USP34: variants seen among roughly 807,000 people sequenced by gnomAD.
The protein encoded by USP34 is ubiquitin specific peptidase 34, also known as ubiquitin carboxyl-terminal hydrolase 34.
USP34 carries 70 observed loss-of-function variants against 460.3 expected under a neutral mutation model. That is an observed-to-expected ratio of 0.15 (90% CI 0.13 to 0.19). USP34 has a LOEUF of 0.19. USP34 is among the 10% of genes least tolerant of loss of function. USP34 has a pLI of 1.00. For missense variants in USP34, 3,985 were observed against 4,236.2 expected (o/e 0.94, Z 1.65); for synonymous variants, 1,647 against 1,405.3 (o/e 1.17, Z -3.85).
At chr2:61,214,006 A>C in intron 68 of USP34, 54 bp downstream of exon 68, 1 of 1,592,640 alleles carries the variant, frequency 6.3e-7, no homozygotes, top group African/African-American at 1.3e-5. Context: ...GGGGAAAAAC[A>C]GGTATTTCCA....
At position 61,190,202 on chromosome 2, in the gene USP34, T is replaced by C. The variant is rs930574349; in HGVS notation, c.9873+69A>G. 66 of 1,515,576 alleles carry C rather than the reference T, an allele frequency of 4.4e-5. 1 individual carries two copies. The South Asian group carries it at 6.5e-4, about 15-fold the overall frequency. 93.9% of individuals were successfully genotyped at this position (1,515,576 alleles called of 1,614,324 possible). On this transcript the variant is annotated intron_variant, in intron 78 of 79. Transcript: ENST00000398571. ...AGTTAAAGTTACGAGAGTAAAATCATATGAAGGCCACACAGTTAACTGAAG... is the reference window on the plus strand; with the variant it reads ...AGTTAAAGTTACGAGAGTAAAATCACATGAAGGCCACACAGTTAACTGAAG...
rs955152929 is a variant in USP34, at chr2:61,206,817, G to C, written c.8989C>G (p.Leu2997Val). 32 of 1,613,614 alleles carry C rather than the reference G, an allele frequency of 2.0e-5. No individual in the cohort carries two copies. The highest frequency in any genetic ancestry group is 1.6e-4 in the Middle Eastern group (1 of 6,080). Residue 2997 changes from leucine to valine, a missense_variant, in exon 71 of 80, where the codon CTT becomes GTT. This residue lies in a region of USP34 where 275 missense variants were observed against 292.7 expected (regional missense o/e 0.94). Coordinates refer to ENST00000398571, the MANE Select transcript of USP34 (RefSeq NM_014709.4). ...ACHVTGDLVELLSIFLSVLKS... is the reference protein window; with the variant it reads ...ACHVTGDLVEVLSIFLSVLKS... ...AAAACCGAAAGAAATATTGACAGAA[G>C]TTCTACTAAATCTCCAGTCACATGG...
chr2:61,367,736 A>G (rs1244130688), intron 10 of USP34, among the ~76,000 whole-genome samples: 3 of 152,176 alleles, frequency 2.0e-5, no homozygotes, highest in Admixed American at 1.3e-4. Context: ...TAAGCATAGC[A>G]CGAAATAAAA....
At chr2:61,408,620 G>T (rs748078590) in intron 2 of USP34, among the ~76,000 whole-genome samples, 8 of 152,130 alleles carry the variant, frequency 5.3e-5, no homozygotes, top group Non-Finnish European at 1.2e-4. Flanking sequence ...GTCAGGCTGG[G>T]TGTGGTGGCT....
intron 58 of USP34, among the ~76,000 whole-genome samples, chr2:61,231,905 G>A (rs575797383): frequency 6.0e-5 from 9 of 149,548 alleles, no homozygotes; most frequent in African/African-American, 7.3e-5. Context: ...ATACACACAC[G>A]CATATATATC....
At chr2:61,426,535 C>T (rs911801149) in intron 1 of USP34, among the ~76,000 whole-genome samples, 1 of 151,988 alleles carries the variant, frequency 6.6e-6, no homozygotes, top group Admixed American at 6.6e-5. Flanking sequence ...AGTACCAGTC[C>T]TGTGGTTTGA....
intron 75 of USP34, among the ~76,000 whole-genome samples, chr2:61,198,854 G>A (rs907477321): frequency 3.9e-5 from 6 of 152,156 alleles, no homozygotes; most frequent in Admixed American, 3.9e-4. Context: ...GGGCGACAGG[G>A]TGACACTCTG....
At chr2:61,195,261 G>C (rs574848860) in intron 75 of USP34, among the ~76,000 whole-genome samples, 22 of 151,842 alleles carry the variant, frequency 1.4e-4, no homozygotes, top group Non-Finnish European at 2.8e-4. Context: ...GCCCAGGCTG[G>C]TCTCAAACTC....
chr2:61,253,439 A>G (rs1688639669), intron 48 of USP34, among the ~76,000 whole-genome samples: 1 of 152,008 alleles, frequency 6.6e-6, no homozygotes, highest in Non-Finnish European at 1.5e-5. Context: ...TCCTAACCCA[A>G]CTCTCATCAG....
intron 2 of USP34, among the ~76,000 whole-genome samples, chr2:61,420,252 C>T (rs559730428): frequency 1.3e-5 from 2 of 152,246 alleles, no homozygotes; most frequent in East Asian, 3.9e-4. Flanking sequence ...CATTGAGGAA[C>T]AGGAATCCTT....
rs1051091519 is a variant in USP34 at position 61,317,675 on chromosome 2, A to G, written c.3261T>C (p.Tyr1087=). The G allele has an allele frequency of 5.6e-6, 9 of 1,614,094 alleles. No homozygotes were observed. The highest frequency in any genetic ancestry group is 3.3e-5 in the Admixed American group (2 of 60,020). ...CNLARLATSA[Y]DGCSNSELCG... Reference sequence around the variant, plus strand: ...ATACCTCAGAATTTGAACAACCATCATAGGCACTGGTAGCCAATCGAGCCA... The same window carrying G: ...ATACCTCAGAATTTGAACAACCATCGTAGGCACTGGTAGCCAATCGAGCCA... The change falls in exon 23 of 80, where the codon TAT becomes TAC. Residue 1087 remains tyrosine, a synonymous_variant. Transcript: ENST00000398571.
chr2:61,216,896 C>T (rs112727608), intron 67 of USP34, among the ~76,000 whole-genome samples: 3,166 of 146,760 alleles, frequency 0.022, 69 homozygotes, highest in Middle Eastern at 0.067. Context: ...CCAGCCTGGG[C>T]GATGGGGCAA....
rs181620955 is a variant in USP34, at chr2:61,409,693, G to A, written c.132-3565C>T. Among the ~76,000 whole-genome samples the A allele has an allele frequency of 2.9e-3, 434 of 152,222 alleles. 1 individual carries two copies. The highest frequency in any genetic ancestry group is 0.01 in the African/African-American group (416 of 41,516). On this transcript the variant is annotated intron_variant, in intron 2 of 79. Transcript: ENST00000398571. ...TGCGCCACTGCACTCCAGCCTGGGC[G>A]ACAGATCAAGACTCCATCTCAAAAA...
intron 1 of USP34, among the ~76,000 whole-genome samples, chr2:61,446,756 A>G (rs905728402): frequency 6.6e-6 from 1 of 150,728 alleles, no homozygotes; most frequent in East Asian, 2.0e-4. Context: ...AGATCGTGCC[A>G]CTACACTGCA....
At chr2:61,223,924 C>G (rs1687659695) in intron 62 of USP34, among the ~76,000 whole-genome samples, 1 of 152,126 alleles carries the variant, frequency 6.6e-6, no homozygotes, top group Non-Finnish European at 1.5e-5. Context: ...AAAATCAGAG[C>G]CAGTCTTGTT....
intron 39 of USP34, among the ~76,000 whole-genome samples, chr2:61,278,786 A>T (rs1225822449): frequency 2.0e-5 from 3 of 152,004 alleles, no homozygotes; most frequent in Non-Finnish European, 2.9e-5. Context: ...AGTATAATAA[A>T]AAAAAAAGTC....
intron 65 of USP34, 128 bp downstream of exon 65, chr2:61,222,491 A>G (rs1687616008): frequency 1.5e-6 from 1 of 678,914 alleles, no homozygotes; most frequent in South Asian, 2.0e-5. Flanking sequence ...TTATACACTT[A>G]AAAATAGGTT....
chr2:61,288,737 G>T lies in USP34; in HGVS notation c.4689C>A (p.Gly1563=), dbSNP rs1171083390. The stretch of plus-strand genomic sequence containing the variant: ...GATCACCAGCAGCCTTCCTTGATTT[G>T]CCAGGCCAGGTTCTTTTCCTATGGC... ...AESHRKRTWP[G]KSRKAAGDHA... is the part of the protein sequence containing the mutation. The change falls in exon 34 of 80, where the codon GGC becomes GGA. Residue 1563 remains glycine, a synonymous_variant. Transcript: ENST00000398571. The T allele has an allele frequency of 6.2e-7, 1 of 1,613,986 alleles. No homozygotes were observed. The highest frequency in any genetic ancestry group is 2.2e-5 in the East Asian group (1 of 44,880).
Position 61,190,065 on chromosome 2 carries a change from C to G in USP34, c.9873+206G>C, listed in dbSNP as rs1686585068. 3 of 485,958 alleles carry G rather than the reference C, an allele frequency of 6.2e-6. No individual in the cohort carries two copies. In the Admixed American group the frequency reaches 1.2e-4, roughly 19 times the overall value. 30.1% of individuals were successfully genotyped at this position (485,958 alleles called of 1,614,324 possible). A position where few individuals can be genotyped will look rare whatever the true frequency, so the allele number is the denominator to read the frequency against. On this transcript the variant is annotated intron_variant, in intron 78 of 79. Coordinates refer to ENST00000398571, the MANE Select transcript of USP34 (RefSeq NM_014709.4). ...TATTACCTTTCAGCATTTAATGATA[C>G]CAGCTTGTAGCTTCCAAGGTGATAG...
Sources: allele counts gnomAD v4.1 joint callset (sites outside exome capture counted in the v4.1 genomes callset), GRCh38; gene constraint gnomAD v4.1.1; regional missense constraint gnomAD v4.1.1; transcripts MANE v1.5; gene names NCBI Gene and HGNC (gene_info 2026-07-23, HGNC 2026-07-21).